The following ARSG variants were observed in gnomAD, a reference collection of about 807,000 sequenced individuals.
ARSG encodes ASG.
In ARSG, 37 loss-of-function variants were observed where a neutral mutation model predicts 50.5. The observed-to-expected ratio is 0.73, with a 90% CI of 0.56 to 0.96. The LOEUF is 0.96. Among genes scored for constraint, ARSG ranks in the 50% least tolerant of loss-of-function variants. The pLI is 0.00. For synonymous variants in ARSG, 225 were observed against 254.6 expected, an observed-to-expected ratio of 0.88 and a Z score of 1.11; for missense variants, 629 against 675.3, an observed-to-expected ratio of 0.93 and a Z score of 0.76.
chr17:68,291,095 A>G (rs548290845), upstream of ARSG: 1 of 152,344 alleles, frequency 6.6e-6, no homozygotes, highest in African/African-American at 2.4e-5. Context: ...CCAAGTTAGA[A>G]GGGAAGAGAA....
intron 7 of ARSG, 101 bp from the exon 8 acceptor site, chr17:68,370,343 T>C: frequency 9.9e-7 from 1 of 1,006,112 alleles, no homozygotes; most frequent in Non-Finnish European, 1.5e-6. Context: ...CCTTTTTCTA[T>C]CTAGTTCCTG....
chr17:68,440,285 C>T, the ARSG span, among the ~76,000 whole-genome samples: 8 of 152,326 alleles, frequency 5.3e-5, no homozygotes, highest in South Asian at 2.1e-4. Flanking sequence ...AAAAATCCAA[C>T]GAGCCACACG....
downstream of ARSG, among the ~76,000 whole-genome samples, chr17:68,423,947 T>G (rs1192454804): frequency 6.6e-6 from 1 of 152,170 alleles, no homozygotes; most frequent in African/African-American, 2.4e-5. This position sits in a 1 kb window ranked among gnomAD's most constrained non-coding sequence, Gnocchi z 4.4. Flanking sequence ...CGGAACCTAG[T>G]GAGTGTCTGG....
chr17:68,391,805 C>T (rs2081005052), intron 9 of ARSG, among the ~76,000 whole-genome samples: 1 of 152,182 alleles, frequency 6.6e-6, no homozygotes, highest in Admixed American at 6.5e-5. Flanking sequence ...GACTTTGCAT[C>T]AGAGTGGGGT....
the ARSG span, among the ~76,000 whole-genome samples, chr17:68,435,031 AC>A: frequency 6.6e-6 from 1 of 151,930 alleles, no homozygotes; most frequent in Non-Finnish European, 1.5e-5. Flanking sequence ...GTGAAGTGAA[AC>A]CCCGTCTCCA....
rs544301185 is a variant in ARSG at position 68,363,515 on chromosome 17, T to C, written c.705-5033T>C. Among the ~76,000 whole-genome samples the C allele has an allele frequency of 3.9e-5, 6 of 152,280 alleles. No homozygotes were observed. In the South Asian group the frequency reaches 1.2e-3, roughly 32 times the overall value. On this transcript the variant is annotated intron_variant, in intron 6 of 11. Coordinates refer to ENST00000621439, the MANE Select transcript of ARSG (RefSeq NM_001267727.2). Reference sequence around the variant, plus strand: ...GGAGTTTTGCTCTCGTTGCCCAGGCTGGAGTGCAATGGCGCGATCTCGGCT... The same window carrying C: ...GGAGTTTTGCTCTCGTTGCCCAGGCCGGAGTGCAATGGCGCGATCTCGGCT...
At chr17:68,426,165 C>T (rs913205019), downstream of ARSG, 7 of 1,593,476 alleles carry the variant, frequency 4.4e-6, no homozygotes, top group Non-Finnish European at 6.0e-6. Context: ...CCCCGCCGTC[C>T]TCAGAATAAC....
intron 8 of ARSG, chr17:68,379,929 TC>T: frequency 6.5e-6 from 6 of 925,464 alleles, no homozygotes; most frequent in Non-Finnish European, 7.7e-6. Context: ...ATATAACTGT[TC>T]CCACAGCCCT....
intron 2 of ARSG, among the ~76,000 whole-genome samples, chr17:68,316,851 G>C (rs1414338302): frequency 1.3e-5 from 2 of 152,036 alleles, no homozygotes; most frequent in African/African-American, 4.8e-5. Flanking sequence ...TTTTCTCAGC[G>C]TCTGTTCCAA....
chr17:68,266,993 G>T (rs2075178950), intron 1 of ARSG: 1 of 152,104 alleles, frequency 6.6e-6, no homozygotes, highest in African/African-American at 2.4e-5. Flanking sequence ...TGAATGCTGT[G>T]AGAGTCAATA....
intron 1 of ARSG, among the ~76,000 whole-genome samples, chr17:68,284,929 G>GT (rs2075807328): frequency 6.6e-6 from 1 of 152,114 alleles, no homozygotes; most frequent in Admixed American, 6.6e-5. Context: ...ACAACCCCAT[G>GT]TCCCCGGACC....
intron 1 of ARSG, among the ~76,000 whole-genome samples, chr17:68,292,442 T>G (rs1302077851): frequency 6.6e-6 from 1 of 152,182 alleles, no homozygotes; most frequent in Non-Finnish European, 1.5e-5. Context: ...ATCCTAGACA[T>G]TTCAGAGCCT....
the ARSG span, among the ~76,000 whole-genome samples, chr17:68,431,258 T>A: frequency 6.6e-6 from 1 of 152,114 alleles, no homozygotes; most frequent in Non-Finnish European, 1.5e-5. Context: ...GAGAGGCGGA[T>A]GAGGTTCCTT....
At chr17:68,344,451 T>C (rs1382426220) in intron 3 of ARSG, among the ~76,000 whole-genome samples, 8 of 152,234 alleles carry the variant, frequency 5.3e-5, no homozygotes, top group African/African-American at 1.9e-4. Flanking sequence ...AATGACTCCC[T>C]CTCCTTTAAA....
chr17:68,342,853 C>G (rs1046630644), intron 2 of ARSG, among the ~76,000 whole-genome samples: 1 of 152,156 alleles, frequency 6.6e-6, no homozygotes, highest in African/African-American at 2.4e-5. Context: ...AGAGCTGAAA[C>G]CAGAAGGGAG....
At chr17:68,424,411 G>A (rs1223501134), downstream of ARSG, 1 of 533,696 alleles carries the variant, frequency 1.9e-6, no homozygotes, top group Non-Finnish European at 3.9e-6. Context: ...CCACGGATCT[G>A]CGGGAGAAAG....
At chr17:68,414,911 A>AT in intron 11 of ARSG, among the ~76,000 whole-genome samples, 1 of 151,038 alleles carries the variant, frequency 6.6e-6, no homozygotes, top group East Asian at 2.0e-4. Flanking sequence ...GTTTATTTGG[A>AT]TTTTCTCTCT....
chr17:68,430,708 C>T, the ARSG span, among the ~76,000 whole-genome samples: 272 of 152,308 alleles, frequency 1.8e-3, 1 homozygote, highest in African/African-American at 5.7e-3. Context: ...CCTGGGATGT[C>T]GCCTACAGTC....
intron 11 of ARSG, among the ~76,000 whole-genome samples, chr17:68,403,716 T>G (rs28699316): frequency 1.3e-5 from 2 of 152,230 alleles, no homozygotes; most frequent in Non-Finnish European, 2.9e-5. Flanking sequence ...TTTCTTTTTT[T>G]TTATTATTAT....
Sources: allele counts gnomAD v4.1 joint callset (sites outside exome capture counted in the v4.1 genomes callset), GRCh38; gene constraint gnomAD v4.1.1; non-coding constraint Gnocchi (gnomAD v3.1); transcripts MANE v1.5; gene names NCBI Gene and HGNC (gene_info 2026-07-23, HGNC 2026-07-21).